DDC: variants seen among roughly 807,000 people sequenced by gnomAD.
DDC encodes aromatic-L-amino-acid decarboxylase.
A neutral mutation model predicts 60.0 loss-of-function variants in DDC; 43 were observed. The ratio of observed to expected loss-of-function variants is 0.72; its 90% CI spans 0.56 to 0.92. DDC has a LOEUF of 0.92. Ranked by LOEUF, DDC falls within the 40% of genes least tolerant of loss-of-function variation. The probability of loss-of-function intolerance (pLI) is 0.00; values close to 1 mark genes in which losing one functional copy is unlikely to be tolerated. For synonymous variants in DDC, 232 were observed against 234.6 expected, an observed-to-expected ratio of 0.99 and a Z score of 0.10; for missense variants, 573 against 620.2, an observed-to-expected ratio of 0.92 and a Z score of 0.81.
chr7:50,459,254 C>CA (rs1294086136), intron 14 of DDC, among the ~76,000 whole-genome samples: 2 of 152,248 alleles, frequency 1.3e-5, no homozygotes, highest in African/African-American at 2.4e-5. Flanking sequence ...CTGGTTCACT[C>CA]AGTGCTCAAT....
chr7:50,530,993 A>T (rs1232618404), intron 4 of DDC, among the ~76,000 whole-genome samples: 1 of 152,186 alleles, frequency 6.6e-6, no homozygotes, highest in East Asian at 1.9e-4. Flanking sequence ...GTGGGACAGT[A>T]ATATTGAAAG....
intron 6 of DDC, among the ~76,000 whole-genome samples, chr7:50,513,303 G>A (rs1417962284): frequency 1.3e-5 from 2 of 152,228 alleles, no homozygotes; most frequent in African/African-American, 2.4e-5. Context: ...TACAGGGGTA[G>A]AGGAAGCAGC....
intron 6 of DDC, chr7:50,527,839 T>C (rs2044078603): frequency 8.7e-6 from 3 of 343,760 alleles, no homozygotes; most frequent in Middle Eastern, 9.9e-4. Context: ...CACATTACAC[T>C]GTGGAATTGA....
intron 9 of DDC, among the ~76,000 whole-genome samples, chr7:50,489,898 G>A (rs1038390974): frequency 1.3e-5 from 2 of 152,126 alleles, no homozygotes; most frequent in African/African-American, 2.4e-5. Context: ...ATATATTTTG[G>A]TCAAGATGAT....
chr7:50,549,708 C>G (rs2044924466), intron 1 of DDC, among the ~76,000 whole-genome samples: 1 of 150,600 alleles, frequency 6.6e-6, no homozygotes, highest in Non-Finnish European at 1.5e-5. Context: ...GTCACAATAT[C>G]AACATTAACA....
chr7:50,503,848 T>G, intron 7 of DDC, 145 bp downstream of exon 7: 1 of 718,652 alleles, frequency 1.4e-6, no homozygotes, highest in Non-Finnish European at 2.5e-6. Flanking sequence ...GCTAATGAGG[T>G]TTGTGTTATT....
intron 6 of DDC, among the ~76,000 whole-genome samples, chr7:50,515,350 A>G (rs746898899): frequency 3.9e-5 from 6 of 152,194 alleles, no homozygotes; most frequent in Non-Finnish European, 7.4e-5. Flanking sequence ...TTTCAGACAA[A>G]CAAATGCTGA....
intron 6 of DDC, chr7:50,527,709 G>A (rs1585234605): frequency 8.8e-6 from 2 of 228,192 alleles, no homozygotes; most frequent in East Asian, 2.2e-4. Context: ...AGAAAGATAA[G>A]ACTTTTGGGA....
At chr7:50,529,165 T>A in intron 5 of DDC, 43 bp downstream of exon 5, 1 of 1,611,884 alleles carries the variant, frequency 6.2e-7, no homozygotes, top group Non-Finnish European at 8.5e-7. Flanking sequence ...AACCAAACAT[T>A]CGGGTCTTGA....
chr7:50,527,313 C>A (rs1045017261), intron 6 of DDC, among the ~76,000 whole-genome samples: 1 of 152,084 alleles, frequency 6.6e-6, no homozygotes, highest in Non-Finnish European at 1.5e-5. Context: ...ATGTTTCCTG[C>A]ATTGTTTTCA....
At chr7:50,472,280 G>A (rs2042550637) in intron 11 of DDC, among the ~76,000 whole-genome samples, 1 of 152,162 alleles carries the variant, frequency 6.6e-6, no homozygotes, top group East Asian at 1.9e-4. Context: ...ACATTTTGTG[G>A]AAGATTGTTG....
chr7:50,480,207 G>A (rs920201744), intron 9 of DDC, among the ~76,000 whole-genome samples: 2 of 152,066 alleles, frequency 1.3e-5, no homozygotes, highest in African/African-American at 4.8e-5. Flanking sequence ...GAGATGAGTT[G>A]GCCAGTGATT....
chr7:50,483,269 T>C (rs2042809422), intron 9 of DDC, among the ~76,000 whole-genome samples: 2 of 152,204 alleles, frequency 1.3e-5, no homozygotes, highest in Non-Finnish European at 1.5e-5. Flanking sequence ...TAACTTTTTT[T>C]CTCCTTCTCT....
rs530085225 is a variant in DDC, at chr7:50,563,654, T to C, written c.-29+1631A>G. Among the ~76,000 whole-genome samples the C allele has an allele frequency of 2.7e-3, 404 of 152,350 alleles. 1 individual carries two copies. The highest frequency in any genetic ancestry group is 6.8e-3 in the Middle Eastern group (2 of 294). On this transcript the variant is annotated intron_variant, in intron 1 of 14. Coordinates refer to ENST00000444124, the MANE Select transcript of DDC (RefSeq NM_001082971.2). ...TCTCACTCTGTCACCCAGGCTGAAG[T>C]GCAGTGACTCGATCTCGGCTCACCG... is the stretch of plus-strand genomic sequence containing the variant.
chr7:50,520,541 T>A (rs909444012), intron 6 of DDC, among the ~76,000 whole-genome samples: 1 of 152,184 alleles, frequency 6.6e-6, no homozygotes, highest in African/African-American at 2.4e-5. Flanking sequence ...CAGAACTGAA[T>A]GAGTACATTA....
At chr7:50,492,617 C>A in intron 9 of DDC, 1 of 1,012,150 alleles carries the variant, frequency 9.9e-7, no homozygotes, top group Non-Finnish European at 1.2e-6. Context: ...TCTCTTGTGG[C>A]AGACTTCCAG....
chr7:50,510,177 G>A (rs533721982), intron 6 of DDC, among the ~76,000 whole-genome samples: 17 of 152,028 alleles, frequency 1.1e-4, no homozygotes, highest in East Asian at 5.9e-4. Context: ...GGGTTTCACC[G>A]TGTTAGCCAG....
intron 6 of DDC, among the ~76,000 whole-genome samples, chr7:50,521,545 T>TA (rs201577997): frequency 1.2e-4 from 18 of 152,064 alleles, no homozygotes; most frequent in Non-Finnish European, 4.4e-5. Context: ...TCCAACAATG[T>TA]AAAAAAAATT....
At chr7:50,538,033 G>C in intron 3 of DDC, 54 bp from the exon 4 acceptor site, 1 of 1,611,290 alleles carries the variant, frequency 6.2e-7, no homozygotes, top group Non-Finnish European at 8.5e-7. Context: ...GCAGAATTTG[G>C]GGGTCAGCAG....
Sources: allele counts gnomAD v4.1 joint callset (sites outside exome capture counted in the v4.1 genomes callset), GRCh38; gene constraint gnomAD v4.1.1; transcripts MANE v1.5; gene names NCBI Gene and HGNC (gene_info 2026-07-23, HGNC 2026-07-21).